Variants in GLB1L2 observed in about 807,000 individuals in gnomAD.
GLB1L2 encodes the protein beta-galactosidase-1-like protein 2.
A neutral mutation model predicts 84.1 loss-of-function variants in GLB1L2; 68 were observed. That is an observed-to-expected ratio of 0.81 (90% CI 0.67 to 0.99). The LOEUF is 0.99. GLB1L2 is among the 50% of genes least tolerant of loss of function. GLB1L2 has a pLI of 0.00. For synonymous variants in GLB1L2, 290 were observed against 318.0 expected (o/e 0.91, Z 0.94); for missense variants, 762 against 805.6 (o/e 0.95, Z 0.66).
intron 13 of GLB1L2, 80 bp downstream of exon 13, chr11:134,371,228 T>C: frequency 1.3e-6 from 2 of 1,542,928 alleles, no homozygotes; most frequent in Non-Finnish European, 1.8e-6. Flanking sequence ...CCCCTCAGAA[T>C]CAGCTCTTAC....
chr11:134,357,626 G>C (rs1053907631), intron 6 of GLB1L2, among the ~76,000 whole-genome samples: 1 of 152,270 alleles, frequency 6.6e-6, no homozygotes, highest in Non-Finnish European at 1.5e-5. Flanking sequence ...CACGAGAGGA[G>C]AGTGCAGCTC....
chr11:134,335,726 G>A (rs937421535), intron 1 of GLB1L2, among the ~76,000 whole-genome samples: 4 of 152,214 alleles, frequency 2.6e-5, no homozygotes, highest in African/African-American at 9.7e-5. Flanking sequence ...TTAAGGTAAG[G>A]AAGTGGCAAG....
intron 8 of GLB1L2, chr11:134,364,840 G>C (rs1245358477): frequency 6.3e-6 from 1 of 158,838 alleles, no homozygotes; most frequent in Admixed American, 6.2e-5. Flanking sequence ...TGCGGAGAGA[G>C]GGAGGAGTTT....
chr11:134,347,257 C>T, intron 4 of GLB1L2, 68 bp from the exon 5 acceptor site: 1 of 1,188,792 alleles, frequency 8.4e-7, no homozygotes, highest in Non-Finnish European at 1.3e-6. Flanking sequence ...TCTCACGCAT[C>T]AACAGCCTGC....
Position 134,338,931 on chromosome 11 carries a change from G to A in GLB1L2, c.87-3823G>A, listed in dbSNP as rs1943426840. 6.6e-6 allele frequency among the ~76,000 whole-genome samples: 1 copy of A among 152,142 alleles called. No homozygotes were observed. The highest frequency in any genetic ancestry group is 2.1e-4 in the South Asian group (1 of 4,820). ...CTGACTCTGAGCAGAGCAGACCTGG[G>A]CACTGAGCACTGAGTTCAGGGTTTG... On this transcript the variant is annotated intron_variant, in intron 1 of 18. Coordinates refer to ENST00000535456, the MANE Select transcript of GLB1L2 (RefSeq NM_001370461.1). This position sits in a 1 kb window ranked among gnomAD's most constrained non-coding sequence, Gnocchi z 6.2.
In GLB1L2 at chr11:134,375,800, A is replaced by G. The variant is rs982501066; in HGVS notation, c.*742A>G. The G allele has an allele frequency of 5.4e-5, 8 of 149,140 alleles. No individual in the cohort carries two copies. Among genetic ancestry groups the G allele is most frequent in the African/African-American group, 1.5e-4 (6 of 40,432 alleles). 9.2% of individuals were successfully genotyped at this position (149,140 alleles called of 1,614,324 possible). On this transcript the variant is annotated 3_prime_UTR_variant, in exon 19 of 19. Transcript: ENST00000535456. ...CTGCACATCCAGGGAGGAGGACAGAAGGCCCAGCTCACATGTGAGTCCTGG... is the reference window on the plus strand; with the variant it reads ...CTGCACATCCAGGGAGGAGGACAGAGGGCCCAGCTCACATGTGAGTCCTGG...
rs540420400 is a variant in GLB1L2 at position 134,346,104 on chromosome 11, G to A, written c.449+975G>A. 2.0e-5 allele frequency among the ~76,000 whole-genome samples: 3 copies of A among 152,272 alleles called. No individual in the cohort carries two copies. The East Asian group carries it at 5.8e-4, about 29-fold the overall frequency. On this transcript the variant is annotated intron_variant, in intron 4 of 18. Transcript: ENST00000535456. Reference sequence around the variant, plus strand: ...GGAAGAGGCTGATCCTTGTCCCCAAGCCGTCTCCCCTCCCCTGGTCCCTGG... The same window carrying A: ...GGAAGAGGCTGATCCTTGTCCCCAAACCGTCTCCCCTCCCCTGGTCCCTGG...
chr11:134,341,934 C>A (rs1278624205), intron 1 of GLB1L2, among the ~76,000 whole-genome samples: 3 of 72,026 alleles, frequency 4.2e-5, no homozygotes, highest in Non-Finnish European at 1.1e-4. Context: ...ACAGCCCACA[C>A]CGGCTCCTGC....
chr11:134,362,228 C>T (rs989483011), intron 7 of GLB1L2, among the ~76,000 whole-genome samples: 1 of 152,044 alleles, frequency 6.6e-6, no homozygotes, highest in Non-Finnish European at 1.5e-5. Context: ...ATGTATTTCT[C>T]TTCTCATAGC....
In GLB1L2 at chr11:134,332,117, T is replaced by C; in HGVS notation, c.56T>C (p.Leu19Pro). ...GCCCGCACGCTGGGACTCCTGCTGC[T>C]GGTCGTCTTGGGCTTCCTGGTGCTC... Reference protein sequence around the residue: ...RPARTLGLLLLVVLGFLVLRR... With the variant: ...RPARTLGLLLPVVLGFLVLRR... The change falls in exon 1 of 19, where the codon CTG (leucine) becomes CCG (proline). Residue 19 changes from leucine to proline, a missense_variant. Around this residue, in one of 3 missense-constraint regions of GLB1L2, gnomAD observed 100 missense variants for 88.8 expected, o/e 1.13. Coordinates refer to ENST00000535456, the MANE Select transcript of GLB1L2 (RefSeq NM_001370461.1). The C allele has an allele frequency of 6.3e-7, 1 of 1,587,784 alleles. No individual in the cohort carries two copies. Among genetic ancestry groups the C allele is most frequent in the Non-Finnish European group, 8.6e-7 (1 of 1,168,898 alleles).
chr11:134,369,679 A>C, intron 10 of GLB1L2, 126 bp from the exon 11 acceptor site: 5 of 742,106 alleles, frequency 6.7e-6, no homozygotes, highest in Non-Finnish European at 1.1e-5. Context: ...AATGGCTCAA[A>C]AGTGTCTTGC....
At chr11:134,358,040 C>G (rs1361591984) in intron 6 of GLB1L2, among the ~76,000 whole-genome samples, 1 of 152,230 alleles carries the variant, frequency 6.6e-6, no homozygotes, top group African/African-American at 2.4e-5. Context: ...TGCAGCTCTC[C>G]TGTGCCTGAG....
chr11:134,358,414 T>C (rs952160612), intron 6 of GLB1L2, among the ~76,000 whole-genome samples: 2 of 152,270 alleles, frequency 1.3e-5, no homozygotes, highest in Non-Finnish European at 2.9e-5. Flanking sequence ...TGGCAGTGAC[T>C]GCTCTGCGGA....
intron 4 of GLB1L2, 103 bp from the exon 5 acceptor site, chr11:134,347,222 C>T: frequency 1.2e-6 from 1 of 851,404 alleles, no homozygotes; most frequent in Non-Finnish European, 2.0e-6. Context: ...ACAGGTCATT[C>T]TGGAGCACTG....
chr11:134,373,636 T>G, intron 15 of GLB1L2, 85 bp from the exon 16 acceptor site: 1 of 841,706 alleles, frequency 1.2e-6, no homozygotes, highest in Admixed American at 2.0e-5. Context: ...CACCCCAGCT[T>G]CCCAGGGCTT....
At chr11:134,371,895 C>G in intron 15 of GLB1L2, 65 bp downstream of exon 15, 1 of 1,506,988 alleles carries the variant, frequency 6.6e-7, no homozygotes, top group Non-Finnish European at 9.2e-7. Flanking sequence ...TATTGCTTCT[C>G]TATGCTAGCA....
chr11:134,341,691 A>C (rs1943464467), intron 1 of GLB1L2, among the ~76,000 whole-genome samples: 1 of 152,198 alleles, frequency 6.6e-6, no homozygotes, highest in Non-Finnish European at 1.5e-5. Context: ...GTAAAAAAGC[A>C]AATTTCTTTG....
chr11:134,364,642 G>T, intron 8 of GLB1L2: 1 of 508,918 alleles, frequency 2.0e-6, no homozygotes, highest in Non-Finnish European at 3.5e-6. Context: ...GGGCCCTTTT[G>T]GTGCACTCCT....
chr11:134,365,887 T>C (rs527685590), intron 8 of GLB1L2, among the ~76,000 whole-genome samples: 1 of 152,320 alleles, frequency 6.6e-6, no homozygotes, highest in South Asian at 2.1e-4. Flanking sequence ...CCATGACCCG[T>C]GATGGACAGA....
Sources: allele counts gnomAD v4.1 joint callset (sites outside exome capture counted in the v4.1 genomes callset), GRCh38; gene constraint gnomAD v4.1.1; regional missense constraint gnomAD v4.1.1; non-coding constraint Gnocchi (gnomAD v3.1); transcripts MANE v1.5; gene names NCBI Gene and HGNC (gene_info 2026-07-23, HGNC 2026-07-21).